The following TULP4 variants were observed in gnomAD, a reference collection of about 807,000 sequenced individuals.
TULP4 encodes the protein tubby-related protein 4.
TULP4 carries 16 observed loss-of-function variants against 129.0 expected under a neutral mutation model. The observed-to-expected ratio is 0.12, with a 90% CI of 0.08 to 0.19. The LOEUF (loss-of-function observed/expected upper bound fraction) is 0.19. Ranked by LOEUF, TULP4 falls within the 10% of genes least tolerant of loss-of-function variation. The pLI is 1.00. For missense variants in TULP4, 1,842 were observed against 2,059.1 expected (o/e 0.89, Z 2.04); for synonymous variants, 998 against 854.0 (o/e 1.17, Z -2.94).
chr6:158,400,120 A>G (rs1777806995), intron 1 of TULP4, among the ~76,000 whole-genome samples: 1 of 152,250 alleles, frequency 6.6e-6, no homozygotes, highest in Non-Finnish European at 1.5e-5. Context: ...TGATCAGTTT[A>G]TTGAGATTTA....
In TULP4 at chr6:158,452,844, G is replaced by A. The variant is rs1044800382; in HGVS notation, c.859+576G>A. Among the ~76,000 whole-genome samples the A allele has an allele frequency of 1.3e-4, 20 of 152,320 alleles. No homozygotes were observed. The South Asian group carries it at 2.7e-3, about 21-fold the overall frequency. ...GTTGTTATCTCAAAAGAAAATCAGT[G>A]GGCATAGGCATTTGGAGTGTTGTGA... On this transcript the variant is annotated intron_variant, in intron 5 of 13. Transcript: ENST00000367097.
Position 158,502,342 on chromosome 6 carries a change from C to T in TULP4, c.2679C>T (p.Ser893=), listed in dbSNP as rs777151954. The change falls in exon 13 of 14, where the codon AGC becomes AGT. Residue 893 remains serine (S), a synonymous_variant. Transcript: ENST00000367097. Reference sequence around the variant, plus strand: ...ATGAGAGGATCACCACCTTCGACAGCAGTGGCAACGTGGAGGAGGTGTGCC... The same window carrying T: ...ATGAGAGGATCACCACCTTCGACAGTAGTGGCAACGTGGAGGAGGTGTGCC... ...LGYERITTFD[S]SGNVEEVCRP... 3.7e-6 allele frequency: 6 copies of T among 1,613,830 alleles called. No homozygotes were observed. The highest frequency in any genetic ancestry group is 3.3e-5 in the South Asian group (3 of 91,072).
chr6:158,385,186 C>T (rs1030756478), intron 1 of TULP4, among the ~76,000 whole-genome samples: 1 of 152,140 alleles, frequency 6.6e-6, no homozygotes, highest in Admixed American at 6.5e-5. Flanking sequence ...CTTTCTCCCT[C>T]CACACTCACC....
intron 1 of TULP4, among the ~76,000 whole-genome samples, chr6:158,344,169 C>T (rs566494685): frequency 1.8e-4 from 27 of 152,316 alleles, no homozygotes; most frequent in Middle Eastern, 6.8e-3. Flanking sequence ...ACCCCCTGCC[C>T]GCAAAACATT....
At chr6:158,324,355 A>T (rs998253687) in intron 1 of TULP4, among the ~76,000 whole-genome samples, 1 of 152,202 alleles carries the variant, frequency 6.6e-6, no homozygotes, top group African/African-American at 2.4e-5. Context: ...TGGGTGGCAG[A>T]TGTTGTACTG....
At chr6:158,241,341 G>T (rs1157357755) in intron 1 of TULP4, among the ~76,000 whole-genome samples, 1 of 130,158 alleles carries the variant, frequency 7.7e-6, no homozygotes, top group African/African-American at 2.5e-5. Flanking sequence ...CCCAGACGGG[G>T]TGGCGGCCGG....
chr6:158,449,350 T>C (rs991289629), intron 4 of TULP4, among the ~76,000 whole-genome samples, 174 bp downstream of exon 4: 1 of 152,156 alleles, frequency 6.6e-6, no homozygotes, highest in African/African-American at 2.4e-5. Context: ...CTCATCTAGA[T>C]GTGACTGTCT....
At chr6:158,342,947 A>ATGTG (rs5881254) in intron 1 of TULP4, among the ~76,000 whole-genome samples, 2,135 of 147,586 alleles carry the variant, frequency 0.014, 29 homozygotes, top group Non-Finnish European at 0.016. Flanking sequence ...TTAAAAATAA[A>ATGTG]TGTGTGTGTG....
At chr6:158,454,429 G>C (rs922913523) in intron 5 of TULP4, among the ~76,000 whole-genome samples, 5 of 152,104 alleles carry the variant, frequency 3.3e-5, no homozygotes, top group African/African-American at 1.2e-4. Flanking sequence ...CTCTAGTTCA[G>C]GAATCCAGAA....
rs190646962 is a variant in TULP4 at position 158,507,502 on chromosome 6, G to C, written c.*808G>C. The C allele has an allele frequency of 4.6e-4, 70 of 152,312 alleles. No homozygotes were observed. The highest frequency in any genetic ancestry group is 1.5e-3 in the African/African-American group (61 of 41,556). 9.4% of individuals were successfully genotyped at this position (152,312 alleles called of 1,614,324 possible). Reference sequence around the variant, plus strand: ...TTCATCGTTTGTCAAAGTTCCGTAGGATCAGTGATGGTCATTCAGCATGAC... The same window carrying C: ...TTCATCGTTTGTCAAAGTTCCGTAGCATCAGTGATGGTCATTCAGCATGAC... On this transcript the variant is annotated 3_prime_UTR_variant, in exon 14 of 14. Transcript: ENST00000367097.
chr6:158,238,250 T>G, intron 1 of TULP4: 1 of 1,119,560 alleles, frequency 8.9e-7, no homozygotes, highest in Non-Finnish European at 1.4e-6. Flanking sequence ...TGAAAATTCC[T>G]GAAGCAGCTC....
chr6:158,233,491 T>C (rs1044550408), intron 1 of TULP4, among the ~76,000 whole-genome samples: 1 of 152,226 alleles, frequency 6.6e-6, no homozygotes, highest in Non-Finnish European at 1.5e-5. Context: ...ATTTCTTAGT[T>C]GAAGTTCTTG....
chr6:158,355,845 C>T (rs546912347), intron 1 of TULP4, among the ~76,000 whole-genome samples: 1 of 152,290 alleles, frequency 6.6e-6, no homozygotes, highest in South Asian at 2.1e-4. Context: ...CATGCAACAA[C>T]ATGGATTAAT....
chr6:158,391,121 CA>C (rs886300231), intron 1 of TULP4, among the ~76,000 whole-genome samples: 1 of 152,046 alleles, frequency 6.6e-6, no homozygotes, highest in Non-Finnish European at 1.5e-5. Flanking sequence ...AAAATGAAAA[CA>C]TTTGAAATAA....
At chr6:158,368,110 A>ATTGAGT (rs1776976272) in intron 1 of TULP4, among the ~76,000 whole-genome samples, 1 of 147,718 alleles carries the variant, frequency 6.8e-6, no homozygotes, top group South Asian at 2.2e-4. Context: ...AATCTGACAG[A>ATTGAGT]TTGAGTTGTA....
intron 1 of TULP4, among the ~76,000 whole-genome samples, chr6:158,259,400 G>T (rs1010110948): frequency 1.3e-5 from 2 of 152,098 alleles, no homozygotes; most frequent in African/African-American, 4.8e-5. Flanking sequence ...TCCTCTTATG[G>T]TTGTTTGGTT....
intron 12 of TULP4, among the ~76,000 whole-genome samples, chr6:158,501,111 T>C (rs557781892): frequency 4.6e-5 from 7 of 152,310 alleles, no homozygotes; most frequent in Non-Finnish European, 1.0e-4. Context: ...CTTCATATGA[T>C]ACTCAGATTC....
At chr6:158,293,370 C>T (rs1235698314) in intron 1 of TULP4, among the ~76,000 whole-genome samples, 6 of 152,202 alleles carry the variant, frequency 3.9e-5, no homozygotes, top group African/African-American at 1.4e-4. Context: ...TATTGTTTCC[C>T]ACTTCCCTAA....
intron 3 of TULP4, among the ~76,000 whole-genome samples, chr6:158,435,353 A>G (rs75777539): frequency 0.014 from 2,206 of 152,240 alleles, 22 homozygotes; most frequent in Non-Finnish European, 0.021. Context: ...TCTTGGCCTC[A>G]GATGCGGTCT....
Sources: gnomAD v4.1 joint callset for allele counts (sites outside exome capture counted in the v4.1 genomes callset) on GRCh38, gnomAD v4.1.1 for gene constraint, MANE v1.5 for transcripts, NCBI Gene and HGNC (gene_info 2026-07-23, HGNC 2026-07-21) for gene names.